DGKB: variants seen among roughly 807,000 people sequenced by gnomAD.
DGKB encodes the protein 90 kDa diacylglycerol kinase.
In DGKB, 67 loss-of-function variants were observed where a neutral mutation model predicts 114.3. The observed-to-expected ratio is 0.59, with a 90% CI of 0.48 to 0.72. The LOEUF is 0.72. Ranked by LOEUF, DGKB falls within the 30% of genes least tolerant of loss-of-function variation. The pLI is 0.00. For missense variants in DGKB, 907 were observed against 975.2 expected (o/e 0.93, Z 0.93); for synonymous variants, 398 against 323.1 (o/e 1.23, Z -2.49).
At chr7:14,502,599 T>C (rs1275777697) in intron 20 of DGKB, among the ~76,000 whole-genome samples, 3 of 152,090 alleles carry the variant, frequency 2.0e-5, no homozygotes, top group Admixed American at 1.3e-4. Flanking sequence ...GGTGGGAAAA[T>C]ATTATGTTTA....
intron 1 of DGKB, among the ~76,000 whole-genome samples, chr7:14,874,028 A>C (rs113637970): frequency 0.015 from 2,298 of 152,228 alleles, 76 homozygotes; most frequent in Admixed American, 0.082. Flanking sequence ...TAGTAACAGT[A>C]ATCTGTCTTT....
chr7:14,457,028 A>G (rs1832385087), intron 21 of DGKB, among the ~76,000 whole-genome samples: 1 of 152,192 alleles, frequency 6.6e-6, no homozygotes. Flanking sequence ...GCTGAATCAT[A>G]AAGTAGAAAT....
rs1464920880 is a variant in DGKB, at chr7:14,632,409, CA to C, written c.1135-2142del. ...AGCTTTATATATATATATACACATA[CA>C]TATATATTTATATGTAAAGAAGTAT... On this transcript the variant is annotated intron_variant, in intron 13 of 25. Transcript: ENST00000402815. Among the ~76,000 whole-genome samples, 4 of 151,304 alleles carry C rather than the reference CA, an allele frequency of 2.6e-5. No individual in the cohort carries two copies. The South Asian group carries it at 6.3e-4, about 24-fold the overall frequency.
intron 17 of DGKB, among the ~76,000 whole-genome samples, chr7:14,605,940 A>T (rs1037876754): frequency 3.3e-5 from 5 of 152,146 alleles, no homozygotes; most frequent in Non-Finnish European, 7.4e-5. Flanking sequence ...CAGATAAGAT[A>T]ATGAAGCCAC....
chr7:14,475,189 G>A (rs1781985635), intron 21 of DGKB, among the ~76,000 whole-genome samples: 1 of 152,066 alleles, frequency 6.6e-6, no homozygotes, highest in South Asian at 2.1e-4. Flanking sequence ...GTGATTTATT[G>A]TGACAAGAGA....
chr7:14,521,377 CCA>C (rs1789740268), intron 20 of DGKB, among the ~76,000 whole-genome samples: 1 of 152,100 alleles, frequency 6.6e-6, no homozygotes, highest in Non-Finnish European at 1.5e-5. Flanking sequence ...CTTTGTCTTT[CCA>C]CAGTTTGACT....
rs1225090461 is a variant in DGKB at position 14,333,468 on chromosome 7, A to G, written c.2122+5047T>C. Among the ~76,000 whole-genome samples the G allele has an allele frequency of 7.9e-5, 12 of 151,904 alleles. No homozygotes were observed. The East Asian group carries it at 2.1e-3, about 27-fold the overall frequency. On this transcript the variant is annotated intron_variant, in intron 23 of 25. Transcript: ENST00000402815. The stretch of plus-strand genomic sequence containing the variant: ...AGAGTGAGACTCCGTCTTAAAAAAA[A>G]AAAAAAAAAAAAAATCAATCTGTGA...
intron 21 of DGKB, among the ~76,000 whole-genome samples, chr7:14,403,992 A>G (rs1823547486): frequency 6.6e-6 from 1 of 151,902 alleles, no homozygotes; most frequent in Admixed American, 6.6e-5. Context: ...ACCTCTTAGC[A>G]AAACAGAAGT....
At chr7:14,663,503 T>G (rs1265107718) in intron 13 of DGKB, among the ~76,000 whole-genome samples, 1 of 151,806 alleles carries the variant, frequency 6.6e-6, no homozygotes, top group Non-Finnish European at 1.5e-5. Context: ...AGATCAGGAG[T>G]TCATGTAAGA....
At chr7:14,408,256 C>G (rs1211807868) in intron 21 of DGKB, among the ~76,000 whole-genome samples, 2 of 151,878 alleles carry the variant, frequency 1.3e-5, no homozygotes, top group Non-Finnish European at 2.9e-5. Context: ...TTAATAAACC[C>G]TAGGTGTTGG....
At chr7:14,441,527 TCTTG>T (rs1157559151) in intron 21 of DGKB, among the ~76,000 whole-genome samples, 1 of 152,202 alleles carries the variant, frequency 6.6e-6, no homozygotes, top group East Asian at 1.9e-4. Flanking sequence ...TATGATTTTG[TCTTG>T]CTTAAGACAT....
chr7:14,237,665 A>G (rs1793008559), intron 23 of DGKB, among the ~76,000 whole-genome samples: 1 of 152,046 alleles, frequency 6.6e-6, no homozygotes, highest in Non-Finnish European at 1.5e-5. Flanking sequence ...TGAGAGCAAC[A>G]AAATAGTTTA....
At chr7:14,155,014 C>G (rs150827970) in intron 25 of DGKB, among the ~76,000 whole-genome samples, 4 of 151,980 alleles carry the variant, frequency 2.6e-5, no homozygotes, top group African/African-American at 9.7e-5. Flanking sequence ...GCAGACTCCC[C>G]GGTCCCACCC....
At chr7:14,316,084 A>G (rs1302060421) in intron 23 of DGKB, among the ~76,000 whole-genome samples, 3 of 150,420 alleles carry the variant, frequency 2.0e-5, no homozygotes, top group Non-Finnish European at 4.4e-5. Flanking sequence ...TTTGAAACCA[A>G]CGAGAACAAA....
At chr7:14,305,816 C>T (rs1007992396) in intron 23 of DGKB, among the ~76,000 whole-genome samples, 1 of 152,166 alleles carries the variant, frequency 6.6e-6, no homozygotes, top group African/African-American at 2.4e-5. Context: ...ATATTAACAT[C>T]ATAGCTTGAC....
At chr7:14,705,514 C>G (rs1200941882) in intron 6 of DGKB, among the ~76,000 whole-genome samples, 7 of 151,280 alleles carry the variant, frequency 4.6e-5, no homozygotes, top group East Asian at 2.0e-4. Context: ...ACATAATTGT[C>G]AGATTCACCA....
chr7:14,800,075 C>T (rs1001389069), intron 2 of DGKB, among the ~76,000 whole-genome samples: 1 of 152,132 alleles, frequency 6.6e-6, no homozygotes, highest in African/African-American at 2.4e-5. Flanking sequence ...CACCACCGCG[C>T]CTGGCTAACT....
At chr7:14,858,858 A>C (rs927012855) in intron 1 of DGKB, among the ~76,000 whole-genome samples, 1 of 152,224 alleles carries the variant, frequency 6.6e-6, no homozygotes, top group Non-Finnish European at 1.5e-5. Context: ...TGACAAGTGC[A>C]TGTCACTGTC....
chr7:14,969,586 C>T (rs60032052), intron 1 of DGKB, among the ~76,000 whole-genome samples: 3,753 of 152,230 alleles, frequency 0.025, 154 homozygotes, highest in African/African-American at 0.085. Context: ...TAGATTCTCA[C>T]AGGAGCATGA....
Sources: gnomAD v4.1 joint callset for allele counts (sites outside exome capture counted in the v4.1 genomes callset) on GRCh38, gnomAD v4.1.1 for gene constraint, MANE v1.5 for transcripts, NCBI Gene and HGNC (gene_info 2026-07-23, HGNC 2026-07-21) for gene names.